The following CTC1 variants were observed in gnomAD, a reference collection of about 807,000 sequenced individuals.
The protein encoded by CTC1 is CST telomere replication complex component 1, also known as CST complex subunit CTC1.
Under a neutral mutation model 136.3 loss-of-function variants are expected in CTC1, and 91 were observed. The observed-to-expected ratio is 0.67, with a 90% CI of 0.56 to 0.79. The LOEUF (loss-of-function observed/expected upper bound fraction) is 0.79. CTC1 is among the 30% of genes least tolerant of loss of function. The pLI, the probability that CTC1 is intolerant of heterozygous loss-of-function variation, is 0.00. For synonymous variants in CTC1, 606 were observed against 613.8 expected, an observed-to-expected ratio of 0.99 and a Z score of 0.19; for missense variants, 1,432 against 1,498.1, an observed-to-expected ratio of 0.96 and a Z score of 0.73.
chr17:8,242,997 G>A lies in CTC1; in HGVS notation c.185C>T (p.Pro62Leu). The A allele has an allele frequency of 6.2e-7, 1 of 1,612,218 alleles. No homozygotes were observed. The highest frequency in any genetic ancestry group is 1.1e-5 in the South Asian group (1 of 90,672). ...CACCTCTCCTTACCTATAGCTGAGGGGCAGTGTAGAACCTTGGTTCCTTCC... is the reference window on the plus strand; with the variant it reads ...CACCTCTCCTTACCTATAGCTGAGGAGCAGTGTAGAACCTTGGTTCCTTCC... The part of the protein sequence containing the change: ...SQGRNQGSTL[P>L]LSYSFVSVQD... Residue 62 changes from proline to leucine, a missense_variant, in exon 2 of 23, where the codon CCC becomes CTC. Pro to Leu is a moderately conservative substitution (Grantham distance 98). Transcript: ENST00000651323.
chr17:8,239,450 A>T (rs1988030325), intron 2 of CTC1, among the ~76,000 whole-genome samples: 1 of 152,146 alleles, frequency 6.6e-6, no homozygotes, highest in South Asian at 2.1e-4. Context: ...TGATACAAGT[A>T]ATGGTTAAAT....
rs755039235 is a variant in CTC1 at position 8,227,729 on chromosome 17, C to T, written c.*451G>A. 3 of 155,196 alleles carry T rather than the reference C, an allele frequency of 1.9e-5. No homozygotes were observed. Among genetic ancestry groups the T allele is most frequent in the Non-Finnish European group, 4.3e-5 (3 of 69,984 alleles). 9.6% of individuals were successfully genotyped at this position (155,196 alleles called of 1,614,324 possible). ...CACCTTTGGCCCTGGCGGCAAAGGG[C>T]TGAAATGATGATGAACGACTAGGAG... On this transcript the variant is annotated 3_prime_UTR_variant, in exon 23 of 23. Coordinates refer to ENST00000651323, the MANE Select transcript of CTC1 (RefSeq NM_025099.6).
rs71159568 is a variant in CTC1, at chr17:8,237,665, C to CAAAAAAAA, written c.648-154_648-147dup. On this transcript the variant is annotated intron_variant, in intron 4 of 22. Coordinates refer to ENST00000651323, the MANE Select transcript of CTC1 (RefSeq NM_025099.6). Reference sequence around the variant, plus strand: ...GGGCAGCAGGAGTGAAACTACGTCTCAAAAAAAAAAAAAAAAAAAAAAAAA... The same window carrying CAAAAAAAA: ...GGGCAGCAGGAGTGAAACTACGTCTCAAAAAAAAAAAAAAAAAAAAAAAAAAAAAAAAA... The CAAAAAAAA allele has an allele frequency of 1.5e-4, 9 of 58,394 alleles. 1 individual carries two copies. Among genetic ancestry groups the CAAAAAAAA allele is most frequent in the South Asian group, 3.4e-4 (1 of 2,904 alleles). The allele number at this position is 58,394 out of a possible 1,614,324, so 3.6% of individuals were successfully genotyped here.
rs1219363352 is a variant in CTC1, at chr17:8,237,423, A to C, written c.744T>G (p.Ser248=). ...TGACAGCTGGGTGTGATCTACCAAG[A>C]GACAGGATGAAGTAAGCTTTCTGTT... ...KSKQKAYFIL[S]LGRSHPAVTH... is the part of the protein sequence containing the mutation. Residue 248 remains serine, a synonymous_variant, in exon 5 of 23, where the codon TCT becomes TCG. Coordinates refer to ENST00000651323, the MANE Select transcript of CTC1 (RefSeq NM_025099.6). The C allele has an allele frequency of 3.7e-6, 6 of 1,613,962 alleles. No homozygotes were observed. Among genetic ancestry groups the C allele is most frequent in the Non-Finnish European group, 5.1e-6 (6 of 1,180,016 alleles).
rs552270298 is a variant in CTC1 at position 8,227,022 on chromosome 17, G to A, written c.*1158C>T. On this transcript the variant is annotated 3_prime_UTR_variant, in exon 23 of 23. Coordinates refer to ENST00000651323, the MANE Select transcript of CTC1 (RefSeq NM_025099.6). Reference sequence around the variant, plus strand: ...GTACGGGGTTCGAACCCGCGACCTTGGCGTTATTAGCACCACGCTCTAACC... The same window carrying A: ...GTACGGGGTTCGAACCCGCGACCTTAGCGTTATTAGCACCACGCTCTAACC... 12 of 152,222 alleles carry A rather than the reference G, an allele frequency of 7.9e-5. No homozygotes were observed. Among genetic ancestry groups the A allele is most frequent in the African/African-American group, 2.2e-4 (9 of 41,086 alleles). The allele number at this position is 152,222 out of a possible 1,614,324, so 9.4% of individuals were successfully genotyped here. A position where few individuals can be genotyped will look rare whatever the true frequency, so the allele number is the denominator to read the frequency against.
At position 8,226,829 on chromosome 17, in the gene CTC1, G is replaced by A. The variant is rs1328441377; in HGVS notation, c.*1351C>T. 1 of 151,672 alleles carries A rather than the reference G, an allele frequency of 6.6e-6. No individual in the cohort carries two copies. The highest frequency in any genetic ancestry group is 6.6e-5 in the Admixed American group (1 of 15,240). 9.4% of individuals were successfully genotyped at this position (151,672 alleles called of 1,614,324 possible). On this transcript the variant is annotated 3_prime_UTR_variant, in exon 23 of 23. Coordinates refer to ENST00000651323, the MANE Select transcript of CTC1 (RefSeq NM_025099.6). ...CCTTCCTTTCACCCGGGTGCCCAGA[G>A]ACTCCTCCCTCCAAGCCTTCGGGAG...
rs765992408 is a variant in CTC1, at chr17:8,228,274, A to G, written c.3560T>C (p.Leu1187Pro). The G allele has an allele frequency of 3.1e-6, 5 of 1,614,182 alleles. No individual in the cohort carries two copies. Among genetic ancestry groups the G allele is most frequent in the Non-Finnish European group, 4.2e-6 (5 of 1,180,020 alleles). The change falls in exon 23 of 23, where the codon CTG (leucine) becomes CCG (proline). Residue 1187 changes from leucine (L) to proline (P), a missense_variant. Coordinates refer to ENST00000651323, the MANE Select transcript of CTC1 (RefSeq NM_025099.6). ...QRFQCGELPF[L>P]THVNPRLRLS... Reference sequence around the variant, plus strand: ...TCGGAGCCTGGGGTTCACGTGAGTCAGGAAAGGGAGCTCTCCACACTGGAA... The same window carrying G: ...TCGGAGCCTGGGGTTCACGTGAGTCGGGAAAGGGAGCTCTCCACACTGGAA...
chr17:8,242,294 A>G (rs1988295158), intron 2 of CTC1, among the ~76,000 whole-genome samples: 1 of 151,848 alleles, frequency 6.6e-6, no homozygotes, highest in African/African-American at 2.4e-5. Context: ...TAGCCTCCCA[A>G]AGTGTTGGGA....
chr17:8,248,019 G>T lies in CTC1; in HGVS notation c.18C>A (p.Ala6=), dbSNP rs377706974. 1.2e-6 allele frequency: 2 copies of T among 1,606,952 alleles called. No homozygotes were observed. Among genetic ancestry groups the T allele is most frequent in the Non-Finnish European group, 1.7e-6 (2 of 1,176,884 alleles). MAAGR[A]QVPSSEQAWL... is the part of the protein sequence containing the mutation. ...CAGCACTCACGGAGGAAGGGACCTG[G>T]GCCCGGCCAGCCGCCATGATGCGCC... Residue 6 remains alanine (A), a synonymous_variant, in exon 1 of 23, where the codon GCC becomes GCA. Transcript: ENST00000651323.
In CTC1 at chr17:8,235,283, G is replaced by A. The variant is rs1308161104; in HGVS notation, c.1209C>T (p.Leu403=). The part of the protein sequence containing the change: ...RVMRPGVCLQ[L]QDVHLLQSVG... ...CTGACTGGAGCAGGTGAACATCCTG[G>A]AGCTGGGGGAAAGCAGAGAAAATGA... is the stretch of plus-strand genomic sequence containing the variant. Residue 403 remains leucine (L), a splice_region_variant and synonymous_variant, in exon 8 of 23, where the codon CTC becomes CTT. Transcript: ENST00000651323. 5 of 1,610,640 alleles carry A rather than the reference G, an allele frequency of 3.1e-6. No homozygotes were observed. In the African/African-American group the frequency reaches 5.3e-5, roughly 17 times the overall value.
rs1986946690 is a variant in CTC1 at position 8,228,756 on chromosome 17, G to A, written c.3358C>T (p.Gln1120Ter). The change falls in exon 21 of 23, where the codon CAG (glutamine) becomes TAG (stop). Residue 1120 changes from glutamine to a stop codon, truncating the protein, a stop_gained. Coordinates refer to ENST00000651323, the MANE Select transcript of CTC1 (RefSeq NM_025099.6). LOFTEE classifies it high-confidence loss of function. ...AGTTGGGCTCCAGGCCCTGCAAACT[G>A]CAAGACCACTCTGCCTGGCACTTGG... ...FVQVPGRVVL[Q>*]FAGPGAQLES... 6.2e-7 allele frequency: 1 copy of A among 1,614,086 alleles called. No individual in the cohort carries two copies. The highest frequency in any genetic ancestry group is 8.5e-7 in the Non-Finnish European group (1 of 1,179,972).
chr17:8,231,291 T>C lies in CTC1; in HGVS notation c.2654A>G (p.Asp885Gly). The C allele has an allele frequency of 6.3e-7, 1 of 1,577,170 alleles. No homozygotes were observed. The highest frequency in any genetic ancestry group is 8.7e-7 in the Non-Finnish European group (1 of 1,155,612). Residue 885 changes from aspartate (D) to glycine (G), a missense_variant, in exon 15 of 23, where the codon GAC becomes GGC. Coordinates refer to ENST00000651323, the MANE Select transcript of CTC1 (RefSeq NM_025099.6). ...GGACATTTACTTGTCACTGAGCAGG[T>C]CGGTCAGTGAGGATTCAGGCAATGA... is the stretch of plus-strand genomic sequence containing the variant. Reference protein sequence around the residue: ...NKSLPESSLTDLLSDNFTDSL... With the variant: ...NKSLPESSLTGLLSDNFTDSL...
chr17:8,242,533 G>GAA (rs58895309), intron 2 of CTC1, among the ~76,000 whole-genome samples: 7 of 83,850 alleles, frequency 8.3e-5, no homozygotes, highest in Non-Finnish European at 1.0e-4. Flanking sequence ...AGTGTAGAGA[G>GAA]AAAAAAAAAA....
In CTC1 at chr17:8,228,169, T is replaced by C. The variant is rs1986876083; in HGVS notation, c.*11A>G. 3.1e-6 allele frequency: 5 copies of C among 1,612,966 alleles called. No homozygotes were observed. In the African/African-American group the frequency reaches 4.0e-5, roughly 13 times the overall value. On this transcript the variant is annotated 3_prime_UTR_variant, in exon 23 of 23. Transcript: ENST00000651323. ...GCAAGGAAGGACTCTCAGGCCATCCTTGCAGTTCAGTTAACAGGAGGAAGC... is the reference window on the plus strand; with the variant it reads ...GCAAGGAAGGACTCTCAGGCCATCCCTGCAGTTCAGTTAACAGGAGGAAGC...
chr17:8,229,289 T>G lies in CTC1; in HGVS notation c.3156+13A>C, dbSNP rs554186531. 10 of 1,614,144 alleles carry G rather than the reference T, an allele frequency of 6.2e-6. No homozygotes were observed. In the Admixed American group the frequency reaches 1.0e-4, roughly 16 times the overall value. On this transcript the variant is annotated intron_variant, in intron 19 of 22. Coordinates refer to ENST00000651323, the MANE Select transcript of CTC1 (RefSeq NM_025099.6). ...CTCCATACTCAGTTCAGCCTGTTCCTTCCCTCCCTTACCTGCCGGCAGATG... is the reference window on the plus strand; with the variant it reads ...CTCCATACTCAGTTCAGCCTGTTCCGTCCCTCCCTTACCTGCCGGCAGATG...
At position 8,238,404 on chromosome 17, in the gene CTC1, G is replaced by A; in HGVS notation, c.423C>T (p.Val141=). 1 of 1,613,932 alleles carries A rather than the reference G, an allele frequency of 6.2e-7. No individual in the cohort carries two copies. Among genetic ancestry groups the A allele is most frequent in the Non-Finnish European group, 8.5e-7 (1 of 1,179,874 alleles). ...GSLYVRDNTG[V]LSCELIDLDL... Reference sequence around the variant, plus strand: ...ACCTTCCACTCACCTCACAGCTCAGGACGCCAGTGTTATCTCTCACATAGA... The same window carrying A: ...ACCTTCCACTCACCTCACAGCTCAGAACGCCAGTGTTATCTCTCACATAGA... Residue 141 remains valine (V), a synonymous_variant, in exon 3 of 23, where the codon GTC becomes GTT. Transcript: ENST00000651323.
In CTC1 at chr17:8,238,024, A is replaced by G. The variant is rs766352626; in HGVS notation, c.647+7T>C. Reference sequence around the variant, plus strand: ...GCGCCCCTGCCATGCCTAGAGGGGGAAATTACCTGAGCCTGAGCAGGCAGG... The same window carrying G: ...GCGCCCCTGCCATGCCTAGAGGGGGGAATTACCTGAGCCTGAGCAGGCAGG... On this transcript the variant is annotated splice_region_variant and intron_variant, in intron 4 of 22. Transcript: ENST00000651323. 6.2e-7 allele frequency: 1 copy of G among 1,609,514 alleles called. No homozygotes were observed. The highest frequency in any genetic ancestry group is 1.3e-5 in the African/African-American group (1 of 74,918).
At chr17:8,233,255 C>A in intron 10 of CTC1, 1 of 522,314 alleles carries the variant, frequency 1.9e-6, no homozygotes, top group Non-Finnish European at 3.4e-6. Context: ...ATAGAGGTTA[C>A]AGGTAAGAGG....
In CTC1 at chr17:8,235,963, CA is replaced by C; in HGVS notation, c.1078-5del. ...TCAACACGCCAGTGACTGCTCCCTG[CA>C]AACAGGCCGAGGTCCAGTTGACCAC... On this transcript the variant is annotated splice_region_variant and splice_polypyrimidine_tract_variant and intron_variant, in intron 6 of 22. Transcript: ENST00000651323. 1 of 1,603,628 alleles carries C rather than the reference CA, an allele frequency of 6.2e-7. No homozygotes were observed. Among genetic ancestry groups the C allele is most frequent in the Non-Finnish European group, 8.5e-7 (1 of 1,171,886 alleles).
Sources: allele counts gnomAD v4.1 joint callset (sites outside exome capture counted in the v4.1 genomes callset), GRCh38; gene constraint gnomAD v4.1.1; transcripts MANE v1.5; gene names NCBI Gene and HGNC (gene_info 2026-07-23, HGNC 2026-07-21).